The following FANCM variants were observed in gnomAD, a reference collection of about 807,000 sequenced individuals.
FANCM encodes Fanconi anemia group M protein.
Under a neutral mutation model 199.5 loss-of-function variants are expected in FANCM, and 140 were observed. The observed-to-expected ratio is 0.70, with a 90% CI of 0.61 to 0.81. The LOEUF is 0.81. Among genes scored for constraint, FANCM ranks in the 30% least tolerant of loss-of-function variants. The pLI, the probability that FANCM is intolerant of heterozygous loss-of-function variation, is 0.00. For missense variants in FANCM, 2,410 were observed against 2,421.4 expected (o/e 1.00, Z 0.10); for synonymous variants, 840 against 836.8 (o/e 1.00, Z -0.07).
chr14:45,190,955 ACTC>A, intron 20 of FANCM, among the ~76,000 whole-genome samples: 1 of 151,186 alleles, frequency 6.6e-6, no homozygotes, highest in East Asian at 1.9e-4. Context: ...GCTGACTTGA[ACTC>A]CTGGGCTCAT....
intron 4 of FANCM, 98 bp downstream of exon 4, chr14:45,149,093 T>A: frequency 9.7e-7 from 1 of 1,027,084 alleles, no homozygotes. Context: ...AGTTATCTTA[T>A]TTTTATATAA....
intron 4 of FANCM, among the ~76,000 whole-genome samples, 166 bp downstream of exon 4, chr14:45,149,161 G>T (rs1037271826): frequency 2.6e-5 from 4 of 152,074 alleles, no homozygotes; most frequent in African/African-American, 7.2e-5. Context: ...ACTGTGTTTT[G>T]TATGTACTAG....
chr14:45,191,590 T>C (rs1438288514), intron 20 of FANCM, among the ~76,000 whole-genome samples: 1 of 152,210 alleles, frequency 6.6e-6, no homozygotes. Flanking sequence ...AAAATAGATA[T>C]AGGATAGTGA....
At chr14:45,140,961 C>T (rs1885878325) in intron 3 of FANCM, among the ~76,000 whole-genome samples, 1 of 152,118 alleles carries the variant, frequency 6.6e-6, no homozygotes, top group African/African-American at 2.4e-5. Context: ...ATTGCTTGAG[C>T]TTAGGAGATG....
At chr14:45,172,721 C>T (rs1319732406) in intron 12 of FANCM, among the ~76,000 whole-genome samples, 14 of 152,190 alleles carry the variant, frequency 9.2e-5, no homozygotes, top group Non-Finnish European at 1.8e-4. Context: ...GAGAACTGAT[C>T]AAAGGTTGTA....
At chr14:45,152,606 G>A (rs1032030903) in intron 5 of FANCM, among the ~76,000 whole-genome samples, 1 of 152,212 alleles carries the variant, frequency 6.6e-6, no homozygotes, top group Non-Finnish European at 1.5e-5. Context: ...GTCGATCTTT[G>A]AACTGATAGG....
In FANCM at chr14:45,185,224, C is replaced by G. The variant is rs561723791; in HGVS notation, c.4523C>G (p.Ala1508Gly). Residue 1508 changes from alanine to glycine, a missense_variant, in exon 18 of 23, where the codon GCT becomes GGT. Physicochemically the swap from Ala to Gly is moderately conservative, Grantham distance 60 (BLOSUM62 0). Transcript: ENST00000267430. ...PKRQSHLKHVARKFLDDEAEL... is the reference protein window; with the variant it reads ...PKRQSHLKHVGRKFLDDEAEL... ...CTAATTTGTCTTACTTAGCATGTAG[C>G]TAGGAAGTTTTTAGATGATGAAGCA... The G allele has an allele frequency of 5.0e-5, 80 of 1,592,140 alleles. No homozygotes were observed. The highest frequency in any genetic ancestry group is 2.3e-4 in the African/African-American group (17 of 74,110).
intron 9 of FANCM, among the ~76,000 whole-genome samples, chr14:45,160,539 ATTC>A (rs1887526607): frequency 7.4e-6 from 1 of 134,810 alleles, no homozygotes; most frequent in Non-Finnish European, 1.6e-5. Context: ...TTGGTCAGGT[ATTC>A]TTTTTTTTTT....
chr14:45,154,415 A>G (rs2139170400), intron 6 of FANCM, among the ~76,000 whole-genome samples: 1 of 151,956 alleles, frequency 6.6e-6, no homozygotes, highest in South Asian at 2.1e-4. Flanking sequence ...AAAAAAAAAA[A>G]AGACATATTA....
Position 45,176,126 on chromosome 14 carries a change from A to G in FANCM, c.3372A>G (p.Pro1124=). Residue 1124 remains proline (P), a synonymous_variant, in exon 14 of 23, where the codon CCA becomes CCG. Coordinates refer to ENST00000267430, the MANE Select transcript of FANCM (RefSeq NM_020937.4). ...NNHDVDNSDL[P]VLSTDQDESL... Reference sequence around the variant, plus strand: ...ATGATGTTGATAACAGTGACCTCCCAGTATTGTCCACTGATCAAGATGAAA... The same window carrying G: ...ATGATGTTGATAACAGTGACCTCCCGGTATTGTCCACTGATCAAGATGAAA... 6.2e-7 allele frequency: 1 copy of G among 1,613,982 alleles called. No homozygotes were observed. Among genetic ancestry groups the G allele is most frequent in the Admixed American group, 1.7e-5 (1 of 60,030 alleles).
At chr14:45,196,719 T>G (rs183402159) in intron 21 of FANCM, among the ~76,000 whole-genome samples, 172 bp downstream of exon 21, 1 of 152,374 alleles carries the variant, frequency 6.6e-6, no homozygotes, top group East Asian at 1.9e-4. Flanking sequence ...GTCATTGTAT[T>G]TAAATGCAGC....
In FANCM at chr14:45,175,370, C is replaced by T. The variant is rs372803974; in HGVS notation, c.2616C>T (p.His872=). Residue 872 remains histidine (H), a synonymous_variant, in exon 14 of 23, where the codon CAC becomes CAT. Coordinates refer to ENST00000267430, the MANE Select transcript of FANCM (RefSeq NM_020937.4). ...ATCAGCTTAAAAAAGAAAATAATCA[C>T]GGTATTATAGATTCTGTAGATAATG... ...KKDQLKKENN[H]GIIDSVDNDR... 2.1e-5 allele frequency: 33 copies of T among 1,559,974 alleles called. No individual in the cohort carries two copies. The highest frequency in any genetic ancestry group is 1.7e-4 in the Middle Eastern group (1 of 5,860).
rs113626509 is a variant in FANCM at position 45,176,380 on chromosome 14, T to C, written c.3626T>C (p.Val1209Ala). 1 of 1,612,980 alleles carries C rather than the reference T, an allele frequency of 6.2e-7. No individual in the cohort carries two copies. The change falls in exon 14 of 23, where the codon GTA (valine) becomes GCA (alanine). Residue 1209 changes from valine to alanine, a missense_variant. Physicochemically the swap from Val to Ala is moderately conservative, Grantham distance 64. Transcript: ENST00000267430. Reference protein sequence around the residue: ...NSFKSRDQRGVQEEKVKNHED... With the variant: ...NSFKSRDQRGAQEEKVKNHED... ...TTTAAATCTCGTGATCAGAGAGGTG[T>C]ACAGGAAGAAAAAGTGAAGAATCAT... is the stretch of plus-strand genomic sequence containing the variant.
chr14:45,182,885 A>G lies in FANCM; in HGVS notation c.4387-889A>G, dbSNP rs150028642. The stretch of plus-strand genomic sequence containing the variant: ...AAAACACTTATATTTGGTCAAAATC[A>G]TCTAACACAAAGCTTATTTTATAAT... On this transcript the variant is annotated intron_variant, in intron 16 of 22. Coordinates refer to ENST00000267430, the MANE Select transcript of FANCM (RefSeq NM_020937.4). Among the ~76,000 whole-genome samples, 464 of 152,332 alleles carry G rather than the reference A, an allele frequency of 3.0e-3. 4 individuals carry two copies. Among genetic ancestry groups the G allele is most frequent in the African/African-American group, 0.011 (449 of 41,580 alleles).
chr14:45,173,827 G>C (rs536416445), intron 13 of FANCM, among the ~76,000 whole-genome samples: 67 of 152,336 alleles, frequency 4.4e-4, no homozygotes, highest in African/African-American at 1.2e-3. Context: ...CATATGATAA[G>C]TACACAGTAA....
Position 45,154,735 on chromosome 14 carries a change from G to A in FANCM, c.1222G>A (p.Asp408Asn), listed in dbSNP as rs199929558. Residue 408 changes from aspartate to asparagine, a missense_variant, in exon 7 of 23, where the codon GAC (aspartate) becomes AAC (asparagine). By Grantham distance (23) the Asp-to-Asn change is conservative. Coordinates refer to ENST00000267430, the MANE Select transcript of FANCM (RefSeq NM_020937.4). ...RSKNELGRNEDFMKLYNHLEC... is the reference protein window; with the variant it reads ...RSKNELGRNENFMKLYNHLEC... ...AAAAAATGAACTTGGCCGAAATGAAGACTTCATGAAACTCTATAATCATCT... is the reference window on the plus strand; with the variant it reads ...AAAAAATGAACTTGGCCGAAATGAAAACTTCATGAAACTCTATAATCATCT... 1.2e-6 allele frequency: 2 copies of A among 1,603,374 alleles called. No homozygotes were observed. Among genetic ancestry groups the A allele is most frequent in the Non-Finnish European group, 8.5e-7 (1 of 1,172,750 alleles).
At chr14:45,155,199 G>T (rs953728493) in intron 7 of FANCM, among the ~76,000 whole-genome samples, 174 bp from the exon 8 acceptor site, 3 of 151,896 alleles carry the variant, frequency 2.0e-5, no homozygotes, top group Non-Finnish European at 4.4e-5. Context: ...AAAGTTCAAA[G>T]TTCATTTTAC....
intron 22 of FANCM, 83 bp from the exon 23 acceptor site, chr14:45,199,787 G>A: frequency 1.7e-6 from 2 of 1,188,520 alleles, no homozygotes; most frequent in Non-Finnish European, 2.5e-6. Context: ...AAAGGCTACT[G>A]TGTTTGGTGT....
chr14:45,200,017 C>G lies in FANCM; in HGVS notation c.*9C>G, dbSNP rs965401618. The G allele has an allele frequency of 6.2e-7, 1 of 1,602,054 alleles. No individual in the cohort carries two copies. Among genetic ancestry groups the G allele is most frequent in the Non-Finnish European group, 8.5e-7 (1 of 1,171,496 alleles). Reference sequence around the variant, plus strand: ...TGAAATCTGATATATAATCAAGCTGCTCAAGATGGGGTTTTCAAAGACCTC... The same window carrying G: ...TGAAATCTGATATATAATCAAGCTGGTCAAGATGGGGTTTTCAAAGACCTC... On this transcript the variant is annotated 3_prime_UTR_variant, in exon 23 of 23. Coordinates refer to ENST00000267430, the MANE Select transcript of FANCM (RefSeq NM_020937.4).
Sources: gnomAD v4.1 joint callset for allele counts (sites outside exome capture counted in the v4.1 genomes callset) on GRCh38, gnomAD v4.1.1 for gene constraint, MANE v1.5 for transcripts, NCBI Gene and HGNC (gene_info 2026-07-23, HGNC 2026-07-21) for gene names.